Variants in DCC observed in about 807,000 individuals in gnomAD.
DCC encodes DCC netrin 1 receptor.
A neutral mutation model predicts 172.5 loss-of-function variants in DCC; 58 were observed. The ratio of observed to expected loss-of-function variants is 0.34; its 90% CI spans 0.27 to 0.42. The LOEUF (loss-of-function observed/expected upper bound fraction) is 0.42. DCC is among the 10% of genes least tolerant of loss of function. DCC has a pLI of 1.00. For missense variants in DCC, 1,740 were observed against 1,791.0 expected (o/e 0.97, Z 0.51); for synonymous variants, 709 against 644.5 (o/e 1.10, Z -1.52).
At chr18:52,626,189 A>G (rs1377282248) in intron 1 of DCC, among the ~76,000 whole-genome samples, 1 of 152,154 alleles carries the variant, frequency 6.6e-6, no homozygotes. Flanking sequence ...TAAACATCTC[A>G]AGCTCTATCC....
At chr18:52,957,711 G>C (rs2040769033) in intron 5 of DCC, among the ~76,000 whole-genome samples, 1 of 152,116 alleles carries the variant, frequency 6.6e-6, no homozygotes, top group African/African-American at 2.4e-5. Context: ...GGCAAGATCT[G>C]TGGGAATAGC....
At chr18:53,485,334 A>G (rs2045888506) in intron 25 of DCC, among the ~76,000 whole-genome samples, 1 of 152,126 alleles carries the variant, frequency 6.6e-6, no homozygotes, top group Non-Finnish European at 1.5e-5. Flanking sequence ...ACTCCAAAGC[A>G]AGAATTTGTG....
intron 1 of DCC, among the ~76,000 whole-genome samples, chr18:52,499,700 C>T (rs1221136708): frequency 6.6e-6 from 1 of 152,058 alleles, no homozygotes; most frequent in Non-Finnish European, 1.5e-5. Flanking sequence ...TGAGTTGATT[C>T]CCTAGAGAGC....
intron 1 of DCC, among the ~76,000 whole-genome samples, chr18:52,356,033 A>G (rs534467522): frequency 1.9e-4 from 29 of 152,328 alleles, no homozygotes; most frequent in African/African-American, 3.8e-4. Context: ...CATCACTAGC[A>G]ATGACTTCCC....
chr18:53,255,287 C>T (rs1374379847), intron 12 of DCC, among the ~76,000 whole-genome samples: 1 of 151,388 alleles, frequency 6.6e-6, no homozygotes, highest in Non-Finnish European at 1.5e-5. Context: ...CATATGTATA[C>T]ATGTACCATG....
intron 2 of DCC, among the ~76,000 whole-genome samples, chr18:52,764,655 A>G (rs2037215186): frequency 6.6e-6 from 1 of 152,222 alleles, no homozygotes. Context: ...CCCTTATCAG[A>G]AGTAGATGTT....
intron 1 of DCC, among the ~76,000 whole-genome samples, chr18:52,343,529 T>A (rs765267314): frequency 3.9e-5 from 6 of 152,134 alleles, no homozygotes; most frequent in African/African-American, 1.4e-4. Flanking sequence ...GGACTTGATG[T>A]TGGGGGAGGA....
chr18:52,539,129 A>G (rs1048111227), intron 1 of DCC, among the ~76,000 whole-genome samples: 1 of 152,130 alleles, frequency 6.6e-6, no homozygotes, highest in African/African-American at 2.4e-5. Context: ...TCTCTGAGTC[A>G]ATGTACATTT....
chr18:53,370,930 C>A (rs367625676), intron 15 of DCC, among the ~76,000 whole-genome samples: 4 of 151,566 alleles, frequency 2.6e-5, no homozygotes, highest in Admixed American at 2.0e-4. Flanking sequence ...AAAATTTTAC[C>A]GAAACAAGTG....
intron 25 of DCC, among the ~76,000 whole-genome samples, chr18:53,469,737 G>T (rs2045672385): frequency 6.6e-6 from 1 of 151,770 alleles, no homozygotes. Context: ...AACACTCAAT[G>T]CCACTTCCCC....
At chr18:53,068,390 T>C (rs748204114) in intron 7 of DCC, among the ~76,000 whole-genome samples, 28 of 151,402 alleles carry the variant, frequency 1.8e-4, no homozygotes, top group Non-Finnish European at 3.1e-4. Context: ...ATTAGATGTA[T>C]CTCCTAATGC....
At chr18:52,741,378 C>T (rs778500557) in intron 1 of DCC, among the ~76,000 whole-genome samples, 3 of 152,146 alleles carry the variant, frequency 2.0e-5, no homozygotes, top group Non-Finnish European at 4.4e-5. Context: ...CAGAGTGATC[C>T]TTTAAAACAG....
At chr18:52,848,366 C>G (rs1334380625) in intron 2 of DCC, among the ~76,000 whole-genome samples, 2 of 152,018 alleles carry the variant, frequency 1.3e-5, no homozygotes, top group Non-Finnish European at 2.9e-5. Context: ...GGATTACAGG[C>G]GTGTGCTACC....
At chr18:52,394,685 C>T (rs1043204376) in intron 1 of DCC, among the ~76,000 whole-genome samples, 2 of 151,996 alleles carry the variant, frequency 1.3e-5, no homozygotes, top group Non-Finnish European at 2.9e-5. Context: ...CTGCAGCTTC[C>T]AGAGCCCCAT....
intron 15 of DCC, among the ~76,000 whole-genome samples, chr18:53,347,018 G>T (rs1423902611): frequency 6.6e-6 from 1 of 152,120 alleles, no homozygotes; most frequent in East Asian, 1.9e-4. Context: ...CCAAGGCTTT[G>T]CTCTGCTGTT....
chr18:53,445,344 T>C (rs529580161), intron 22 of DCC, among the ~76,000 whole-genome samples: 2 of 152,344 alleles, frequency 1.3e-5, no homozygotes, highest in Admixed American at 1.3e-4. Flanking sequence ...AGGAGTGAAG[T>C]TAAATCCCCA....
intron 5 of DCC, among the ~76,000 whole-genome samples, chr18:53,001,571 A>C (rs542350168): frequency 6.6e-6 from 1 of 152,072 alleles, no homozygotes; most frequent in Admixed American, 6.6e-5. Flanking sequence ...CTTTCTGAAA[A>C]GTTTCAGTAT....
At chr18:52,415,789 G>A (rs1987002450) in intron 1 of DCC, among the ~76,000 whole-genome samples, 1 of 151,528 alleles carries the variant, frequency 6.6e-6, no homozygotes, top group Non-Finnish European at 1.5e-5. Context: ...TCTTGCTAGT[G>A]GTCTATCAAT....
intron 1 of DCC, among the ~76,000 whole-genome samples, chr18:52,342,209 A>G (rs1983671548): frequency 6.6e-6 from 1 of 152,088 alleles, no homozygotes. Context: ...CTGCGCTTGC[A>G]CTCGGGCTCA....
Sources: gnomAD v4.1 joint callset for allele counts (sites outside exome capture counted in the v4.1 genomes callset) on GRCh38, gnomAD v4.1.1 for gene constraint, MANE v1.5 for transcripts, NCBI Gene and HGNC (gene_info 2026-07-23, HGNC 2026-07-21) for gene names.